The following OSBPL6 variants were observed in gnomAD, a reference collection of about 807,000 sequenced individuals.
OSBPL6 encodes oxysterol-binding protein-related protein 6.
Under a neutral mutation model 125.8 loss-of-function variants are expected in OSBPL6, and 49 were observed. That is an observed-to-expected ratio of 0.39 (90% confidence interval 0.31 to 0.49). OSBPL6 has a LOEUF of 0.49. Among genes scored for constraint, OSBPL6 ranks in the 20% least tolerant of loss-of-function variants. OSBPL6 has a pLI of 0.88. For missense variants in OSBPL6, 986 were observed against 1,135.4 expected (o/e 0.87, Z 1.89); for synonymous variants, 394 against 391.8 (o/e 1.01, Z -0.07).
Position 178,391,214 on chromosome 2 carries a change from C to A in OSBPL6, c.2443C>A (p.Pro815Thr), listed in dbSNP as rs771716921. The A allele has an allele frequency of 1.2e-6, 2 of 1,602,438 alleles. No homozygotes were observed. The highest frequency in any genetic ancestry group is 1.7e-6 in the Non-Finnish European group (2 of 1,175,138). Residue 815 changes from proline to threonine, a missense_variant, in exon 22 of 25, where the codon CCA becomes ACA. Physicochemically the swap from Pro to Thr is conservative, Grantham distance 38 (BLOSUM62 -1). Transcript: ENST00000190611. ...VAPSAKCIWR[P>T]GSMPTNYELY... ...CCCCTCTGCAAAGTGCATTTGGAGACCAGGTGAGAGTGGCCTGAGTGTTCT... is the reference window on the plus strand; with the variant it reads ...CCCCTCTGCAAAGTGCATTTGGAGAACAGGTGAGAGTGGCCTGAGTGTTCT...
intron 1 of OSBPL6, among the ~76,000 whole-genome samples, chr2:178,195,997 T>TC (rs1031636338): frequency 6.6e-6 from 1 of 151,898 alleles, no homozygotes; most frequent in East Asian, 1.9e-4. Flanking sequence ...CTTTCATCCT[T>TC]CCCCCCGCCC....
At chr2:178,194,265 C>A (rs2088702288), upstream of OSBPL6, among the ~76,000 whole-genome samples, 1 of 152,180 alleles carries the variant, frequency 6.6e-6, no homozygotes, top group South Asian at 2.1e-4. Context: ...GGCTGTGGGA[C>A]CCCGCGTGAC....
intron 1 of OSBPL6, among the ~76,000 whole-genome samples, chr2:178,269,607 G>A (rs921910906): frequency 6.6e-6 from 1 of 152,162 alleles, no homozygotes; most frequent in Non-Finnish European, 1.5e-5. Flanking sequence ...GCAACCCAAG[G>A]GAGGGAGGGA....
chr2:178,361,629 G>A lies in OSBPL6; in HGVS notation c.1154-53G>A, dbSNP rs1311168655. ...AGTCTGGAGAAATTTATAATGTTGT[G>A]TATTCTTTCTGCACATATCTGACAG... On this transcript the variant is annotated intron_variant, in intron 12 of 24. Transcript: ENST00000190611. The A allele has an allele frequency of 5.0e-6, 8 of 1,595,678 alleles. No homozygotes were observed. The African/African-American group carries it at 8.1e-5, about 16-fold the overall frequency.
chr2:178,291,799 A>ATCCATCCG (rs1271101500), intron 2 of OSBPL6, among the ~76,000 whole-genome samples: 1 of 141,056 alleles, frequency 7.1e-6, no homozygotes, highest in African/African-American at 2.6e-5. Context: ...CCTGCCATCC[A>ATCCATCCG]TCCATCCATC....
At chr2:178,320,298 A>G in intron 3 of OSBPL6, 4 of 1,612,414 alleles carry the variant, frequency 2.5e-6, no homozygotes, top group Non-Finnish European at 3.4e-6. Context: ...CCTGAGGAGC[A>G]TATTTTTACC....
chr2:178,224,068 A>T (rs1249327925), intron 1 of OSBPL6, among the ~76,000 whole-genome samples: 1 of 152,152 alleles, frequency 6.6e-6, no homozygotes, highest in Non-Finnish European at 1.5e-5. Context: ...GAAGGGAGGA[A>T]CTCTGTCCTT....
chr2:178,207,449 T>C (rs1011798205), intron 1 of OSBPL6, among the ~76,000 whole-genome samples: 1 of 152,184 alleles, frequency 6.6e-6, no homozygotes, highest in Admixed American at 6.5e-5. Context: ...CTTAATCATA[T>C]GTTTTGGGGT....
chr2:178,331,447 C>A, intron 5 of OSBPL6, 105 bp from the exon 6 acceptor site: 2 of 1,188,566 alleles, frequency 1.7e-6, no homozygotes, highest in South Asian at 1.2e-5. Context: ...TTAAAATGAT[C>A]AAACATATTG....
intron 1 of OSBPL6, among the ~76,000 whole-genome samples, chr2:178,244,524 A>AAT (rs2091420464): frequency 6.6e-6 from 1 of 152,200 alleles, no homozygotes; most frequent in African/African-American, 2.4e-5. Flanking sequence ...TGCATGAATG[A>AAT]ATCATTGAAT....
chr2:178,261,934 T>A (rs2154016543), intron 1 of OSBPL6, among the ~76,000 whole-genome samples: 1 of 152,314 alleles, frequency 6.6e-6, no homozygotes, highest in South Asian at 2.1e-4. Flanking sequence ...GGTTCTGGTT[T>A]TCCTTTATAG....
In OSBPL6 at chr2:178,235,462, G is replaced by A. The variant is rs551732568; in HGVS notation, c.-351+40788G>A. On this transcript the variant is annotated intron_variant, in intron 1 of 24. Transcript: ENST00000190611. The stretch of plus-strand genomic sequence containing the variant: ...CGCTGTGTCACCCAGGCTGGAGTGC[G>A]GTGGTGCAATCCTGGCTCACTGCAA... 1.5e-4 allele frequency among the ~76,000 whole-genome samples: 19 copies of A among 130,972 alleles called. No homozygotes were observed. In the South Asian group the frequency reaches 3.9e-3, roughly 27 times the overall value. The allele number at this position is 130,972 out of a possible 152,430, so 85.9% of individuals were successfully genotyped here.
chr2:178,336,188 G>A, intron 8 of OSBPL6, 113 bp from the exon 9 acceptor site: 1 of 1,326,404 alleles, frequency 7.5e-7, no homozygotes, highest in Non-Finnish European at 1.0e-6. Context: ...TCCATGTTTT[G>A]AGTGTGCATT....
At chr2:178,265,237 C>CATCTTGCT (rs2092196065) in intron 1 of OSBPL6, among the ~76,000 whole-genome samples, 1 of 85,702 alleles carries the variant, frequency 1.2e-5, no homozygotes, top group Non-Finnish European at 2.2e-5. Flanking sequence ...TTTAAGATAG[C>CATCTTGCT]ATCTTGCTCT....
At chr2:178,344,243 C>G (rs1690487991) in intron 11 of OSBPL6, 3 of 1,516,840 alleles carry the variant, frequency 2.0e-6, no homozygotes, top group Non-Finnish European at 2.7e-6. Context: ...TCCTTTCCTC[C>G]CCCGTCCTGT....
At chr2:178,362,486 T>C (rs1030089627) in intron 13 of OSBPL6, among the ~76,000 whole-genome samples, 1 of 152,196 alleles carries the variant, frequency 6.6e-6, no homozygotes, top group African/African-American at 2.4e-5. Flanking sequence ...AAGTAAGTAT[T>C]TTCTTTAGTC....
intron 1 of OSBPL6, among the ~76,000 whole-genome samples, chr2:178,280,283 C>T (rs775292267): frequency 3.3e-5 from 5 of 152,114 alleles, no homozygotes; most frequent in African/African-American, 9.7e-5. Flanking sequence ...TATATGTCAC[C>T]TAGAAATTTG....
At chr2:178,251,609 GTTAGGGATCTT>G (rs1259382276) in intron 1 of OSBPL6, among the ~76,000 whole-genome samples, 2 of 152,132 alleles carry the variant, frequency 1.3e-5, no homozygotes, top group Non-Finnish European at 2.9e-5. Flanking sequence ...AGGCACCTGT[GTTAGGGATCTT>G]TTAAGGCTCA....
rs1399228338 is a variant in OSBPL6 at position 178,398,085 on chromosome 2, C to T, written c.*2526C>T. Reference sequence around the variant, plus strand: ...GGAATATTCATTGGTGCGATGGCCTCATCCCCTTTTTTACTTTTTATTGAC... The same window carrying T: ...GGAATATTCATTGGTGCGATGGCCTTATCCCCTTTTTTACTTTTTATTGAC... On this transcript the variant is annotated 3_prime_UTR_variant, in exon 25 of 25. Transcript: ENST00000190611. The T allele has an allele frequency of 6.6e-6, 1 of 152,160 alleles. No individual in the cohort carries two copies. The highest frequency in any genetic ancestry group is 1.9e-4 in the East Asian group (1 of 5,204). 9.4% of individuals were successfully genotyped at this position (152,160 alleles called of 1,614,324 possible).
Sources: gnomAD v4.1 joint callset for allele counts (sites outside exome capture counted in the v4.1 genomes callset) on GRCh38, gnomAD v4.1.1 for gene constraint, MANE v1.5 for transcripts, NCBI Gene and HGNC (gene_info 2026-07-23, HGNC 2026-07-21) for gene names.